The following DNER variants were observed in gnomAD, a reference collection of about 807,000 sequenced individuals.
DNER encodes the protein delta and Notch-like epidermal growth factor-related receptor.
A neutral mutation model predicts 78.2 loss-of-function variants in DNER; 33 were observed. The ratio of observed to expected loss-of-function variants is 0.42; its 90% CI spans 0.32 to 0.56. The LOEUF is 0.56. DNER is among the 20% of genes least tolerant of loss of function. The pLI is 0.11. For synonymous variants in DNER, 417 were observed against 384.8 expected (o/e 1.08, Z -0.98); for missense variants, 918 against 975.3 (o/e 0.94, Z 0.78).
At chr2:229,378,185 G>T (rs1047369374) in intron 11 of DNER, among the ~76,000 whole-genome samples, 1 of 152,262 alleles carries the variant, frequency 6.6e-6, no homozygotes, top group South Asian at 2.1e-4. Flanking sequence ...AGACAGCCCT[G>T]CTGGTCTCTT....
intron 1 of DNER, among the ~76,000 whole-genome samples, chr2:229,667,361 A>G (rs1699110387): frequency 6.6e-6 from 1 of 152,216 alleles, no homozygotes; most frequent in Non-Finnish European, 1.5e-5. Flanking sequence ...GCAAAGTGGC[A>G]CACAGAAAAG....
At chr2:229,493,615 A>C (rs555972945) in intron 6 of DNER, among the ~76,000 whole-genome samples, 19 of 152,260 alleles carry the variant, frequency 1.2e-4, no homozygotes, top group African/African-American at 4.3e-4. Flanking sequence ...CTGAGCCCCT[A>C]CCATACACCT....
chr2:229,659,587 T>C (rs892713551), intron 1 of DNER, among the ~76,000 whole-genome samples: 2 of 152,146 alleles, frequency 1.3e-5, no homozygotes, highest in South Asian at 2.1e-4. Flanking sequence ...TGAGCCTTTC[T>C]TAAACTCACC....
At chr2:229,573,682 G>T (rs1697251965) in intron 4 of DNER, among the ~76,000 whole-genome samples, 1 of 152,140 alleles carries the variant, frequency 6.6e-6, no homozygotes, top group Non-Finnish European at 1.5e-5. Context: ...AGAAGGAAAT[G>T]GAAATGAAAT....
intron 11 of DNER, among the ~76,000 whole-genome samples, chr2:229,376,742 A>G (rs972986948): frequency 6.6e-6 from 1 of 152,188 alleles, no homozygotes; most frequent in Non-Finnish European, 1.5e-5. Flanking sequence ...GAACTTATCT[A>G]TTGACTGATG....
At chr2:229,577,183 C>T (rs1237627519) in intron 4 of DNER, among the ~76,000 whole-genome samples, 1 of 152,122 alleles carries the variant, frequency 6.6e-6, no homozygotes, top group African/African-American at 2.4e-5. Context: ...CCAGGGACCC[C>T]AGGAAAATTG....
intron 10 of DNER, among the ~76,000 whole-genome samples, chr2:229,391,141 C>T (rs191656058): frequency 4.6e-5 from 7 of 152,270 alleles, no homozygotes; most frequent in Middle Eastern, 3.4e-3. Flanking sequence ...ATCAGTCTTA[C>T]GCAAAGTGTT....
chr2:229,462,749 A>G (rs1574854431), intron 7 of DNER, among the ~76,000 whole-genome samples: 1 of 152,112 alleles, frequency 6.6e-6, no homozygotes, highest in Admixed American at 6.5e-5. Flanking sequence ...CCTCCTTTCC[A>G]TAGGCTACAA....
chr2:229,427,525 G>T (rs1421940001), intron 8 of DNER, among the ~76,000 whole-genome samples: 2 of 152,158 alleles, frequency 1.3e-5, no homozygotes, highest in Non-Finnish European at 2.9e-5. Flanking sequence ...AATCATAACT[G>T]GGAAGTATAA....
chr2:229,468,015 G>A (rs956003104), intron 7 of DNER, among the ~76,000 whole-genome samples: 4 of 152,168 alleles, frequency 2.6e-5, no homozygotes, highest in African/African-American at 9.7e-5. Context: ...GGGATAAGAC[G>A]ACAGCACTGA....
chr2:229,569,845 C>T (rs1314462405), intron 4 of DNER, among the ~76,000 whole-genome samples: 2 of 151,968 alleles, frequency 1.3e-5, no homozygotes, highest in Non-Finnish European at 2.9e-5. Flanking sequence ...TGGATGTGTG[C>T]CTGTATGTAT....
At chr2:229,676,297 G>C (rs1053366566) in intron 1 of DNER, among the ~76,000 whole-genome samples, 2 of 152,190 alleles carry the variant, frequency 1.3e-5, no homozygotes, top group African/African-American at 4.8e-5. Flanking sequence ...ATAGGGCCAG[G>C]CTTCGACCTT....
rs201728822 is a variant in DNER, at chr2:229,361,347, TA to T, written c.2103-2697del. ...TTATCATAAAGGTACATTTTAAATG[TA>T]AAAAAAAACCAAAATAAAATTGGAA... On this transcript the variant is annotated intron_variant, in intron 12 of 12. Transcript: ENST00000341772. Among the ~76,000 whole-genome samples, 64 of 150,650 alleles carry T rather than the reference TA, an allele frequency of 4.2e-4. 1 individual carries two copies. The highest frequency in any genetic ancestry group is 3.4e-3 in the Middle Eastern group (1 of 294).
chr2:229,550,853 T>G (rs747008537), intron 4 of DNER, among the ~76,000 whole-genome samples: 2 of 152,210 alleles, frequency 1.3e-5, no homozygotes, highest in Non-Finnish European at 2.9e-5. Flanking sequence ...AGAGCCCACG[T>G]TGGTTCACCT....
At chr2:229,359,846 TGAA>T (rs377290063) in intron 12 of DNER, among the ~76,000 whole-genome samples, 4 of 152,188 alleles carry the variant, frequency 2.6e-5, no homozygotes, top group African/African-American at 9.7e-5. Context: ...TTACTGGCCT[TGAA>T]GAGCACAAAG....
intron 1 of DNER, among the ~76,000 whole-genome samples, chr2:229,597,394 G>A (rs766676340): frequency 1.3e-5 from 2 of 152,068 alleles, no homozygotes; most frequent in Non-Finnish European, 2.9e-5. Flanking sequence ...CTACGTTTCT[G>A]TATACAGTCA....
intron 11 of DNER, among the ~76,000 whole-genome samples, chr2:229,379,368 A>G (rs996727261): frequency 6.6e-6 from 1 of 152,214 alleles, no homozygotes; most frequent in Non-Finnish European, 1.5e-5. Flanking sequence ...CAAGTGAGAA[A>G]GACAAGGCTC....
Position 229,545,868 on chromosome 2 carries a change from G to A in DNER, c.993+1079C>T, listed in dbSNP as rs77000620. 3.3e-3 allele frequency among the ~76,000 whole-genome samples: 500 copies of A among 152,246 alleles called. 1 individual carries two copies. Among genetic ancestry groups the A allele is most frequent in the Non-Finnish European group, 5.8e-3 (392 of 68,034 alleles). On this transcript the variant is annotated intron_variant, in intron 5 of 12. Transcript: ENST00000341772. Reference sequence around the variant, plus strand: ...GTTTCTTCTCTTACTTTTCTCTGACGTCTGTAACTCTATTATCATAGCCAG... The same window carrying A: ...GTTTCTTCTCTTACTTTTCTCTGACATCTGTAACTCTATTATCATAGCCAG...
At chr2:229,468,185 T>C (rs1694844703) in intron 7 of DNER, among the ~76,000 whole-genome samples, 1 of 152,248 alleles carries the variant, frequency 6.6e-6, no homozygotes, top group Admixed American at 6.5e-5. Context: ...GGCCAAGCTA[T>C]AGGAAGGAAT....
Sources: allele counts gnomAD v4.1 joint callset (sites outside exome capture counted in the v4.1 genomes callset), GRCh38; gene constraint gnomAD v4.1.1; transcripts MANE v1.5; gene names NCBI Gene and HGNC (gene_info 2026-07-23, HGNC 2026-07-21).